Variants in COBLL1 observed in about 807,000 individuals in gnomAD.
COBLL1 encodes the protein cordon-bleu protein-like 1.
A neutral mutation model predicts 94.8 loss-of-function variants in COBLL1; 50 were observed. The observed-to-expected ratio is 0.53, with a 90% CI of 0.42 to 0.67. The LOEUF (loss-of-function observed/expected upper bound fraction) is 0.67, where lower values mean the gene tolerates loss of function less well. Among genes scored for constraint, COBLL1 ranks in the 30% least tolerant of loss-of-function variants. COBLL1 has a pLI of 0.00. For missense variants in COBLL1, 1,362 were observed against 1,348.7 expected, an observed-to-expected ratio of 1.01 and a Z score of -0.15; for synonymous variants, 448 against 473.8, an observed-to-expected ratio of 0.95 and a Z score of 0.71.
At position 164,685,738 on chromosome 2, in the gene COBLL1, C is replaced by G. The variant is rs1241134513; in HGVS notation, c.*208G>C. ...TAAAGTTCTAAAGCAGCATATTCAACTCTTAAGGCAAAAAAAAGATCAAAA... is the reference window on the plus strand; with the variant it reads ...TAAAGTTCTAAAGCAGCATATTCAAGTCTTAAGGCAAAAAAAAGATCAAAA... On this transcript the variant is annotated 3_prime_UTR_variant, in exon 14 of 14. Transcript: ENST00000652658. The G allele has an allele frequency of 1.3e-5, 5 of 378,776 alleles. No individual in the cohort carries two copies. The highest frequency in any genetic ancestry group is 1.4e-5 in the Non-Finnish European group (3 of 215,002). 23.5% of individuals were successfully genotyped at this position (378,776 alleles called of 1,614,324 possible). A position where few individuals can be genotyped will look rare whatever the true frequency, so the allele number is the denominator to read the frequency against.
intron 3 of COBLL1, among the ~76,000 whole-genome samples, chr2:164,739,789 G>A (rs977526247): frequency 6.6e-6 from 1 of 152,136 alleles, no homozygotes; most frequent in African/African-American, 2.4e-5. Flanking sequence ...TTGTCATTAT[G>A]AGTCTTCCCA....
chr2:164,814,255 C>T (rs1684602573), intron 2 of COBLL1, among the ~76,000 whole-genome samples: 1 of 152,168 alleles, frequency 6.6e-6, no homozygotes, highest in Admixed American at 6.5e-5. Flanking sequence ...ATCTCTCACA[C>T]ACAGACATAA....
chr2:164,672,705 CAAAAAA>C (rs1187183800), intron 1 of COBLL1, among the ~76,000 whole-genome samples: 5 of 64,968 alleles, frequency 7.7e-5, no homozygotes, highest in African/African-American at 2.6e-4. Flanking sequence ...GACTCCGTCT[CAAAAAA>C]AAAAAAAAAA....
intron 2 of COBLL1, among the ~76,000 whole-genome samples, chr2:164,763,419 TA>T (rs1319168246): frequency 6.6e-6 from 1 of 152,088 alleles, no homozygotes; most frequent in Non-Finnish European, 1.5e-5. Context: ...TATAGAGAAA[TA>T]TTTAGCAATA....
Position 164,744,898 on chromosome 2 carries a change from A to G in COBLL1, c.42-1023T>C, listed in dbSNP as rs953895930. Among the ~76,000 whole-genome samples the G allele has an allele frequency of 8.5e-5, 13 of 152,330 alleles. No individual in the cohort carries two copies. In the East Asian group the frequency reaches 2.5e-3, roughly 29 times the overall value. On this transcript the variant is annotated intron_variant, in intron 2 of 13. Coordinates refer to ENST00000652658, the MANE Select transcript of COBLL1 (RefSeq NM_001365672.2). ...TGAACTTACATAGGCCAATCCAATG[A>G]TTTGATGGATTGAAAAAATAAAATA... is the stretch of plus-strand genomic sequence containing the variant.
chr2:164,719,175 T>C (rs1172723254), intron 7 of COBLL1, among the ~76,000 whole-genome samples: 2 of 151,890 alleles, frequency 1.3e-5, no homozygotes, highest in Non-Finnish European at 2.9e-5. Context: ...GGAGACTGAA[T>C]GAAGGATTTG....
At chr2:164,699,900 T>C (rs1466782179) in intron 10 of COBLL1, among the ~76,000 whole-genome samples, 1 of 152,068 alleles carries the variant, frequency 6.6e-6, no homozygotes, top group Non-Finnish European at 1.5e-5. Context: ...ACTGATCTTT[T>C]TTTCCCTTTG....
intron 13 of COBLL1, among the ~76,000 whole-genome samples, chr2:164,688,771 T>A (rs771450982): frequency 6.6e-6 from 1 of 152,176 alleles, no homozygotes; most frequent in Non-Finnish European, 1.5e-5. Context: ...AGATTCTGTG[T>A]GACTTACCCA....
chr2:164,805,325 CTCTCTCTCTCTCTA>C (rs1279146796), intron 2 of COBLL1, among the ~76,000 whole-genome samples: 98 of 31,518 alleles, frequency 3.1e-3, no homozygotes, highest in East Asian at 8.1e-3. Flanking sequence ...CTCTCTCTCT[CTCTCTCTCTCTCTA>C]TATATATATA....
chr2:164,695,476 G>A lies in COBLL1; in HGVS notation c.1916C>T (p.Ser639Leu). The change falls in exon 12 of 14, where the codon TCA (serine) becomes TTA (leucine). Residue 639 changes from serine to leucine, a missense_variant. Ser to Leu is a moderately radical substitution (Grantham distance 145). Coordinates refer to ENST00000652658, the MANE Select transcript of COBLL1 (RefSeq NM_001365672.2). Reference protein sequence around the residue: ...ECVQTSNNNISTQHSCLSSQD... With the variant: ...ECVQTSNNNILTQHSCLSSQD... ...TGAACTTAAGCATGAGTGTTGAGTT[G>A]ATATGTTGTTATTTGAAGTTTGCAC... 6.2e-7 allele frequency: 1 copy of A among 1,613,910 alleles called. No homozygotes were observed. The highest frequency in any genetic ancestry group is 1.7e-5 in the Admixed American group (1 of 59,984).
Position 164,700,429 on chromosome 2 carries a change from T to C in COBLL1, c.1460+93A>G. On this transcript the variant is annotated intron_variant, in intron 10 of 13. Transcript: ENST00000652658. ...ATAAAGTCAAAACCAAAGGGCTGAC[T>C]ATATTTATGTTTAAAATATCAGATC... 3.3e-5 allele frequency: 25 copies of C among 765,334 alleles called. No individual in the cohort carries two copies. In the South Asian group the frequency reaches 4.7e-4, roughly 14 times the overall value. The allele number at this position is 765,334 out of a possible 1,614,324, so 47.4% of individuals were successfully genotyped here.
chr2:164,663,917 C>T (rs755071284), intron 2 of COBLL1, among the ~76,000 whole-genome samples: 1 of 152,142 alleles, frequency 6.6e-6, no homozygotes, highest in East Asian at 1.9e-4. Flanking sequence ...AACAGATCTG[C>T]ATATGTACCC....
chr2:164,700,650 A>T lies in COBLL1; in HGVS notation c.1332T>A (p.Ile444=). Reference sequence around the variant, plus strand: ...TTATTATATCAGTAGATACAAAAGGAATATCTTGTGACTTCGGAGAAATAT... The same window carrying T: ...TTATTATATCAGTAGATACAAAAGGTATATCTTGTGACTTCGGAGAAATAT... ...AENISPKSQD[I]PFVSTDIINT... The change falls in exon 10 of 14, where the codon ATT becomes ATA. Residue 444 remains isoleucine, a synonymous_variant. Coordinates refer to ENST00000652658, the MANE Select transcript of COBLL1 (RefSeq NM_001365672.2). 2 of 1,613,148 alleles carry T rather than the reference A, an allele frequency of 1.2e-6. No individual in the cohort carries two copies. The highest frequency in any genetic ancestry group is 8.5e-7 in the Non-Finnish European group (1 of 1,179,224).
At chr2:164,803,347 C>G (rs1683909766) in intron 2 of COBLL1, among the ~76,000 whole-genome samples, 3 of 151,886 alleles carry the variant, frequency 2.0e-5, no homozygotes, top group Middle Eastern at 6.8e-3. Flanking sequence ...GGGCGGATCA[C>G]GAGGTCAGGA....
chr2:164,814,977 T>A (rs1684647123), intron 2 of COBLL1, among the ~76,000 whole-genome samples: 2 of 152,216 alleles, frequency 1.3e-5, no homozygotes, highest in South Asian at 4.1e-4. Context: ...TTTGATAAGT[T>A]AACTTACCGT....
rs1685495599 is a variant in COBLL1 at position 164,722,409 on chromosome 2, A to G, written c.759+16T>C. The G allele has an allele frequency of 2.7e-6, 4 of 1,502,422 alleles. No homozygotes were observed. Among genetic ancestry groups the G allele is most frequent in the South Asian group, 2.6e-5 (2 of 76,660 alleles). The allele number at this position is 1,502,422 out of a possible 1,614,324, so 93.1% of individuals were successfully genotyped here. A position where few individuals can be genotyped will look rare whatever the true frequency, so the allele number is the denominator to read the frequency against. On this transcript the variant is annotated intron_variant, in intron 6 of 13. Coordinates refer to ENST00000652658, the MANE Select transcript of COBLL1 (RefSeq NM_001365672.2). Reference sequence around the variant, plus strand: ...ATTGAAGAATCTTACAAAATGCAATATAAGAAAATACTTACTTGGTCTCGC... The same window carrying G: ...ATTGAAGAATCTTACAAAATGCAATGTAAGAAAATACTTACTTGGTCTCGC...
intron 2 of COBLL1, among the ~76,000 whole-genome samples, chr2:164,825,974 C>T (rs193034131): frequency 7.6e-4 from 115 of 152,228 alleles, no homozygotes; most frequent in Non-Finnish European, 1.3e-3. Context: ...AAAGTATATT[C>T]AATATATGAT....
chr2:164,841,808 A>C lies in COBLL1; in HGVS notation c.-149T>G. On this transcript the variant is annotated 5_prime_UTR_variant, in exon 1 of 14. Coordinates refer to ENST00000652658, the MANE Select transcript of COBLL1 (RefSeq NM_001365672.2). The surrounding 1 kb of genome is among the most constrained non-coding windows in gnomAD (Gnocchi z 5.5). ...CCCGCGCTCTTGCCGCTCGGCTCTCAAGCCAGGACTTGAATGGAGAAGCGG... is the reference window on the plus strand; with the variant it reads ...CCCGCGCTCTTGCCGCTCGGCTCTCCAGCCAGGACTTGAATGGAGAAGCGG... 1 of 603,194 alleles carries C rather than the reference A, an allele frequency of 1.7e-6. No homozygotes were observed. Among genetic ancestry groups the C allele is most frequent in the African/African-American group, 2.0e-5 (1 of 50,544 alleles). 37.4% of individuals were successfully genotyped at this position (603,194 alleles called of 1,614,324 possible). A position where few individuals can be genotyped will look rare whatever the true frequency, so the allele number is the denominator to read the frequency against.
chr2:164,756,995 T>C (rs767847240), intron 2 of COBLL1, among the ~76,000 whole-genome samples: 7 of 152,174 alleles, frequency 4.6e-5, no homozygotes, highest in African/African-American at 9.7e-5. Context: ...TCTAGCACAA[T>C]GGTTCTCAAA....
Sources: gnomAD v4.1 joint callset for allele counts (sites outside exome capture counted in the v4.1 genomes callset) on GRCh38, gnomAD v4.1.1 for gene constraint, Gnocchi (gnomAD v3.1) non-coding constraint, MANE v1.5 for transcripts, NCBI Gene and HGNC (gene_info 2026-07-23, HGNC 2026-07-21) for gene names.